Variants in EPHA3 observed in about 807,000 individuals in gnomAD.
The protein encoded by EPHA3 is ephrin type-A receptor 3.
A neutral mutation model predicts 107.1 loss-of-function variants in EPHA3; 42 were observed. That is an observed-to-expected ratio of 0.39 (90% CI 0.31 to 0.51). The LOEUF is 0.51. Ranked by LOEUF, EPHA3 falls within the 20% of genes least tolerant of loss-of-function variation. EPHA3 has a pLI of 0.78. For synonymous variants in EPHA3, 461 were observed against 424.8 expected (o/e 1.09, Z -1.05); for missense variants, 1,183 against 1,211.2 (o/e 0.98, Z 0.35).
intron 3 of EPHA3, among the ~76,000 whole-genome samples, chr3:89,307,301 C>T (rs369143739): frequency 7.7e-4 from 117 of 152,068 alleles, no homozygotes; most frequent in Admixed American, 5.2e-4. Context: ...GATTTTCAAG[C>T]GCAGAGTCTT....
chr3:89,315,138 G>A (rs1188982637), intron 3 of EPHA3, among the ~76,000 whole-genome samples: 1 of 151,744 alleles, frequency 6.6e-6, no homozygotes, highest in Non-Finnish European at 1.5e-5. Context: ...ATCATTGACT[G>A]AAACATTGTT....
chr3:89,256,646 C>T (rs1213353074), intron 3 of EPHA3, among the ~76,000 whole-genome samples: 1 of 152,008 alleles, frequency 6.6e-6, no homozygotes, highest in African/African-American at 2.4e-5. Context: ...AAGTATATCC[C>T]TAGATATGTC....
intron 13 of EPHA3, among the ~76,000 whole-genome samples, chr3:89,439,045 G>T (rs1447848956): frequency 3.9e-5 from 6 of 152,186 alleles, no homozygotes; most frequent in Non-Finnish European, 8.8e-5. Context: ...AATGAGGAAT[G>T]CAGGCAGTCT....
chr3:89,168,261 A>G (rs1559760997), intron 2 of EPHA3, among the ~76,000 whole-genome samples: 1 of 152,158 alleles, frequency 6.6e-6, no homozygotes, highest in Non-Finnish European at 1.5e-5. Context: ...TGCATTGACA[A>G]TGATGAATGA....
At chr3:89,209,156 T>C (rs1706201438) in intron 2 of EPHA3, among the ~76,000 whole-genome samples, 1 of 152,144 alleles carries the variant, frequency 6.6e-6, no homozygotes, top group Admixed American at 6.5e-5. Flanking sequence ...AAACCCCAAA[T>C]ATCTATCTAT....
chr3:89,342,013 A>G lies in EPHA3; in HGVS notation c.1229A>G (p.Asp410Gly). 1 of 1,612,466 alleles carries G rather than the reference A, an allele frequency of 6.2e-7. No homozygotes were observed. Among genetic ancestry groups the G allele is most frequent in the Non-Finnish European group, 8.5e-7 (1 of 1,179,696 alleles). ...CATACTAACTACACCTTTGAGATTG[A>G]TGCCGTTAATGGGGTGTCAGAGCTG... ...LAHTNYTFEI[D>G]AVNGVSELSS... Residue 410 changes from aspartate to glycine, a missense_variant, in exon 5 of 17, where the codon GAT becomes GGT. Physicochemically the swap from Asp to Gly is moderately conservative, Grantham distance 94. Transcript: ENST00000336596.
chr3:89,460,823 C>CTCTTTTTTT (rs1199238290), intron 15 of EPHA3, among the ~76,000 whole-genome samples: 44 of 102,894 alleles, frequency 4.3e-4, no homozygotes, highest in African/African-American at 5.5e-4. Flanking sequence ...CTCTGTCTCT[C>CTCTTTTTTT]TTTTTTTTTT....
At chr3:89,394,243 T>C (rs1708804637) in intron 5 of EPHA3, among the ~76,000 whole-genome samples, 1 of 152,108 alleles carries the variant, frequency 6.6e-6, no homozygotes, top group Admixed American at 6.6e-5. Flanking sequence ...AAACTTTGTC[T>C]CTACAAATAA....
chr3:89,400,746 G>A lies in EPHA3; in HGVS notation c.1594+1266G>A, dbSNP rs536338032. On this transcript the variant is annotated intron_variant, in intron 7 of 16. Coordinates refer to ENST00000336596, the MANE Select transcript of EPHA3 (RefSeq NM_005233.6). Reference sequence around the variant, plus strand: ...GAGGGTAATAAATGTAATGATTGAGGTCATCTTTCTTACAGGGCACAAACC... The same window carrying A: ...GAGGGTAATAAATGTAATGATTGAGATCATCTTTCTTACAGGGCACAAACC... Among the ~76,000 whole-genome samples, 29 of 152,034 alleles carry A rather than the reference G, an allele frequency of 1.9e-4. No homozygotes were observed. The East Asian group carries it at 5.6e-3, about 29-fold the overall frequency.
At chr3:89,408,162 C>A in intron 9 of EPHA3, 31 bp downstream of exon 9, 1 of 1,604,602 alleles carries the variant, frequency 6.2e-7, no homozygotes, top group Non-Finnish European at 8.5e-7. Context: ...TTTTGTTTTG[C>A]TTCACCGTTT....
chr3:89,446,992 T>C (rs75992631), intron 13 of EPHA3, among the ~76,000 whole-genome samples: 1 of 152,154 alleles, frequency 6.6e-6, no homozygotes, highest in Non-Finnish European at 1.5e-5. Context: ...CTCTGAGTTC[T>C]TAAGAAGGAG....
At chr3:89,294,808 G>GTT (rs1482768650) in intron 3 of EPHA3, among the ~76,000 whole-genome samples, 1 of 151,956 alleles carries the variant, frequency 6.6e-6, no homozygotes, top group Non-Finnish European at 1.5e-5. Context: ...TGACTGATTG[G>GTT]TTTCTCTCTC....
intron 13 of EPHA3, among the ~76,000 whole-genome samples, chr3:89,435,917 C>T (rs985425897): frequency 6.6e-6 from 1 of 150,548 alleles, no homozygotes. Flanking sequence ...TGTGCCATTG[C>T]ACTCTAGCCT....
intron 13 of EPHA3, among the ~76,000 whole-genome samples, chr3:89,441,478 T>C (rs1006947006): frequency 6.6e-6 from 1 of 152,244 alleles, no homozygotes. Flanking sequence ...TGCTTCATTT[T>C]AAATGTTTAA....
chr3:89,189,666 T>C (rs1384561539), intron 2 of EPHA3, among the ~76,000 whole-genome samples: 1 of 152,244 alleles, frequency 6.6e-6, no homozygotes, highest in Non-Finnish European at 1.5e-5. Context: ...TGAGAATTCC[T>C]CGTTTCCTGA....
chr3:89,354,701 T>G (rs1026004999), intron 5 of EPHA3, among the ~76,000 whole-genome samples: 6 of 151,162 alleles, frequency 4.0e-5, no homozygotes, highest in African/African-American at 1.5e-4. Context: ...CTGACCTAAC[T>G]CTTCTTGACA....
chr3:89,357,677 C>A (rs764180621), intron 5 of EPHA3, among the ~76,000 whole-genome samples: 4 of 151,136 alleles, frequency 2.6e-5, no homozygotes, highest in African/African-American at 4.8e-5. Context: ...TATTTCTCTT[C>A]TATTGAAATG....
Position 89,460,092 on chromosome 3 carries a change from A to G in EPHA3, c.2690+9722A>G, listed in dbSNP as rs150353807. 2.0e-5 allele frequency among the ~76,000 whole-genome samples: 3 copies of G among 152,298 alleles called. No homozygotes were observed. In the East Asian group the frequency reaches 5.8e-4, roughly 29 times the overall value. ...AATGAGAATGTGTTTCTATTCAAGTAGTAAGATACCCTTTTTATTTTTGAA... is the reference window on the plus strand; with the variant it reads ...AATGAGAATGTGTTTCTATTCAAGTGGTAAGATACCCTTTTTATTTTTGAA... On this transcript the variant is annotated intron_variant, in intron 15 of 16. Transcript: ENST00000336596.
At chr3:89,390,992 G>T (rs1167534689) in intron 5 of EPHA3, among the ~76,000 whole-genome samples, 2 of 151,182 alleles carry the variant, frequency 1.3e-5, no homozygotes, top group African/African-American at 2.4e-5. Flanking sequence ...TTTCATGTTG[G>T]CCAGGCTGGT....
Sources: gnomAD v4.1 joint callset for allele counts (sites outside exome capture counted in the v4.1 genomes callset) on GRCh38, gnomAD v4.1.1 for gene constraint, MANE v1.5 for transcripts, NCBI Gene and HGNC (gene_info 2026-07-23, HGNC 2026-07-21) for gene names.